Variants in ALKBH3 observed in about 807,000 individuals in gnomAD.
ALKBH3 encodes the protein alkB homolog 3, alpha-ketoglutarate dependent dioxygenase, also known as alpha-ketoglutarate-dependent dioxygenase alkB homolog 3.
A neutral mutation model predicts 43.9 loss-of-function variants in ALKBH3; 51 were observed. The observed-to-expected ratio is 1.16, with a 90% CI of 0.93 to 1.47. The LOEUF (loss-of-function observed/expected upper bound fraction) is 1.47. Ranked by LOEUF, ALKBH3 falls within the 40% of genes most tolerant of loss-of-function variation. ALKBH3 has a pLI of 0.00. For missense variants in ALKBH3, 361 were observed against 351.9 expected, an observed-to-expected ratio of 1.03 and a Z score of -0.21; for synonymous variants, 102 against 115.2, an observed-to-expected ratio of 0.89 and a Z score of 0.73.
intron 8 of ALKBH3, chr11:43,912,139 C>CA (rs55657726): frequency 0.19 from 28,903 of 152,442 alleles, 3,082 homozygotes; most frequent in Non-Finnish European, 0.26. Context: ...AACAAACAAA[C>CA]AAAAAACAAG....
At chr11:43,916,124 C>T (rs1292672908) in intron 8 of ALKBH3, among the ~76,000 whole-genome samples, 2 of 152,138 alleles carry the variant, frequency 1.3e-5, no homozygotes, top group Admixed American at 1.3e-4. Flanking sequence ...AAGAAAACTC[C>T]AAATCTCATA....
At chr11:43,906,752 G>T (rs191788468) in intron 8 of ALKBH3, among the ~76,000 whole-genome samples, 5 of 152,272 alleles carry the variant, frequency 3.3e-5, no homozygotes, top group Admixed American at 2.6e-4. Flanking sequence ...GAAATCAATT[G>T]TTGATAGCCA....
Position 43,915,430 on chromosome 11 carries a change from C to G in ALKBH3, c.670-3608C>G, listed in dbSNP as rs117559316. ...AATCAAGTGCCTTAAAGTTCATACACTTGGCTCCAGTAATTCCATTTTTTA... is the reference window on the plus strand; with the variant it reads ...AATCAAGTGCCTTAAAGTTCATACAGTTGGCTCCAGTAATTCCATTTTTTA... On this transcript the variant is annotated intron_variant, in intron 8 of 9. Transcript: ENST00000302708. Among the ~76,000 whole-genome samples the G allele has an allele frequency of 7.0e-3, 1,068 of 152,248 alleles. 26 individuals carry two copies. The highest frequency in any genetic ancestry group is 0.056 in the East Asian group (288 of 5,188).
intron 7 of ALKBH3, 43 bp downstream of exon 7, chr11:43,892,172 T>C (rs1360519188): frequency 4.0e-6 from 6 of 1,495,494 alleles, no homozygotes; most frequent in Non-Finnish European, 5.6e-6. Flanking sequence ...ATAGACTATA[T>C]ACTATGTGTT....
rs1422667063 is a variant in ALKBH3 at position 43,881,090 on chromosome 11, T to A, written c.-160T>A. ...GAAGTGCCCTTATCCACGACCAAGC[T>A]CTTCCACCTGCGGAGCTCGCTTAGT... On this transcript the variant is annotated 5_prime_UTR_variant, in exon 1 of 10. Transcript: ENST00000302708. 9 of 152,456 alleles carry A rather than the reference T, an allele frequency of 5.9e-5. No homozygotes were observed. Among genetic ancestry groups the A allele is most frequent in the Non-Finnish European group, 1.0e-4 (7 of 68,244 alleles). 9.4% of individuals were successfully genotyped at this position (152,456 alleles called of 1,614,324 possible).
intron 6 of ALKBH3, 88 bp downstream of exon 6, chr11:43,889,916 C>A: frequency 8.7e-7 from 1 of 1,143,802 alleles, no homozygotes; most frequent in Non-Finnish European, 1.3e-6. Flanking sequence ...CTCACCAAAG[C>A]TAGTCTTAAA....
Position 43,889,793 on chromosome 11 carries a change from A to G in ALKBH3, c.335A>G (p.Asp112Gly), listed in dbSNP as rs751630340. The change falls in exon 6 of 10, where the codon GAT (aspartate) becomes GGT (glycine). Residue 112 changes from aspartate to glycine, a missense_variant. Transcript: ENST00000302708. Reference protein sequence around the residue: ...ADWILEQLCQDVPWKQRTGIR... With the variant: ...ADWILEQLCQGVPWKQRTGIR... Reference sequence around the variant, plus strand: ...TGGATATTGGAACAGCTTTGTCAAGATGTTCCCTGGAAACAGAGGACTGGC... The same window carrying G: ...TGGATATTGGAACAGCTTTGTCAAGGTGTTCCCTGGAAACAGAGGACTGGC... 1 of 1,613,978 alleles carries G rather than the reference A, an allele frequency of 6.2e-7. No individual in the cohort carries two copies. Among genetic ancestry groups the G allele is most frequent in the Non-Finnish European group, 8.5e-7 (1 of 1,179,900 alleles).
intron 6 of ALKBH3, 74 bp from the exon 7 acceptor site, chr11:43,891,967 C>G: frequency 1.7e-6 from 2 of 1,154,814 alleles, no homozygotes; most frequent in Admixed American, 3.9e-5. Flanking sequence ...CATTGCAAGG[C>G]ACAAAGTTGG....
chr11:43,904,455 A>G (rs890904678), intron 8 of ALKBH3, among the ~76,000 whole-genome samples: 5 of 145,790 alleles, frequency 3.4e-5, no homozygotes, highest in African/African-American at 1.2e-4. Context: ...ATTGAATATT[A>G]ATATGTTTGA....
intron 8 of ALKBH3, among the ~76,000 whole-genome samples, chr11:43,916,478 G>A (rs1302472144): frequency 6.6e-6 from 1 of 152,308 alleles, no homozygotes; most frequent in African/African-American, 2.4e-5. Flanking sequence ...CCTGTAGCTT[G>A]AGTGTGACCC....
At chr11:43,917,655 T>A (rs976575050) in intron 8 of ALKBH3, among the ~76,000 whole-genome samples, 1 of 152,034 alleles carries the variant, frequency 6.6e-6, no homozygotes, top group African/African-American at 2.4e-5. Flanking sequence ...ATTTTTTTTT[T>A]AAATCAGAGC....
rs984856961 is a variant in ALKBH3 at position 43,899,171 on chromosome 11, A to G, written c.460-2345A>G. 63 of 782,704 alleles carry G rather than the reference A, an allele frequency of 8.0e-5. No individual in the cohort carries two copies. In the African/African-American group the frequency reaches 8.8e-4, roughly 11 times the overall value. The allele number at this position is 782,704 out of a possible 1,614,324, so 48.5% of individuals were successfully genotyped here. On this transcript the variant is annotated intron_variant, in intron 7 of 9. Coordinates refer to ENST00000302708, the MANE Select transcript of ALKBH3 (RefSeq NM_139178.4). ...CCAAAAAGGACTCCCTAGGGGCCCC[A>G]CCTCTCCAGGTGGGAACAATGTGCA...
chr11:43,900,157 A>G (rs2135191127), intron 7 of ALKBH3, among the ~76,000 whole-genome samples: 1 of 151,488 alleles, frequency 6.6e-6, no homozygotes, highest in South Asian at 2.1e-4. Context: ...ATTTTTCATT[A>G]AAATGTTGAT....
chr11:43,913,306 A>G (rs1014460308), intron 8 of ALKBH3, among the ~76,000 whole-genome samples: 1 of 152,100 alleles, frequency 6.6e-6, no homozygotes, highest in Non-Finnish European at 1.5e-5. Flanking sequence ...CCGGCTAATA[A>G]GCATAGTACC....
At chr11:43,907,298 T>A (rs1388480315) in intron 8 of ALKBH3, among the ~76,000 whole-genome samples, 1 of 152,098 alleles carries the variant, frequency 6.6e-6, no homozygotes, top group Admixed American at 6.5e-5. Flanking sequence ...AGACTTGAGA[T>A]CCCTTAGGAG....
intron 5 of ALKBH3, 36 bp downstream of exon 5, chr11:43,886,689 C>T (rs373438542): frequency 6.3e-7 from 1 of 1,595,236 alleles, no homozygotes; most frequent in African/African-American, 1.3e-5. Context: ...CCGTAATTAT[C>T]ACTGAGTTAT....
At chr11:43,906,481 C>G (rs1951896823) in intron 8 of ALKBH3, among the ~76,000 whole-genome samples, 2 of 152,310 alleles carry the variant, frequency 1.3e-5, no homozygotes, top group South Asian at 4.1e-4. Flanking sequence ...AGCAGCCCCG[C>G]TGCTGCTATT....
intron 7 of ALKBH3, chr11:43,897,552 A>C (rs1951828114): frequency 2.6e-6 from 2 of 781,042 alleles, no homozygotes; most frequent in Non-Finnish European, 4.7e-6. Flanking sequence ...GTGTCCTTTG[A>C]TTCCGACATT....
chr11:43,890,600 T>C (rs977868239), intron 6 of ALKBH3, among the ~76,000 whole-genome samples: 1 of 152,190 alleles, frequency 6.6e-6, no homozygotes, highest in Non-Finnish European at 1.5e-5. Context: ...GCGTGGTGGC[T>C]TACGCCTGTA....
Sources: allele counts gnomAD v4.1 joint callset (sites outside exome capture counted in the v4.1 genomes callset), GRCh38; gene constraint gnomAD v4.1.1; transcripts MANE v1.5; gene names NCBI Gene and HGNC (gene_info 2026-07-23, HGNC 2026-07-21).